CERKL: variants seen among roughly 807,000 people sequenced by gnomAD.
CERKL encodes the protein CERK like autophagy regulator.
A neutral mutation model predicts 63.4 loss-of-function variants in CERKL; 61 were observed. The observed-to-expected ratio is 0.96, with a 90% CI of 0.78 to 1.19. CERKL has a LOEUF of 1.19. CERKL is among the 50% of genes most tolerant of loss of function. The pLI is 0.00. For synonymous variants in CERKL, 250 were observed against 230.5 expected, an observed-to-expected ratio of 1.08 and a Z score of -0.77; for missense variants, 675 against 655.5, an observed-to-expected ratio of 1.03 and a Z score of -0.33.
chr2:181,611,787 C>T (rs1685979146), intron 1 of CERKL, among the ~76,000 whole-genome samples: 1 of 152,130 alleles, frequency 6.6e-6, no homozygotes, highest in Middle Eastern at 3.2e-3. Context: ...ATGTGTAATG[C>T]TTTCATATGC....
At chr2:181,593,911 G>A (rs902960342) in intron 2 of CERKL, among the ~76,000 whole-genome samples, 1 of 151,362 alleles carries the variant, frequency 6.6e-6, no homozygotes, top group Non-Finnish European at 1.5e-5. Flanking sequence ...CAGAAGGCCT[G>A]GATAGGAATC....
intron 1 of CERKL, among the ~76,000 whole-genome samples, chr2:181,639,073 T>G (rs954606616): frequency 6.6e-6 from 1 of 152,224 alleles, no homozygotes; most frequent in Non-Finnish European, 1.5e-5. Context: ...AAGGTTGACA[T>G]ATTTAAAAAA....
intron 2 of CERKL, among the ~76,000 whole-genome samples, chr2:181,591,886 A>C (rs1257565453): frequency 6.6e-6 from 1 of 152,188 alleles, no homozygotes; most frequent in East Asian, 1.9e-4. Context: ...GTTCCCCACC[A>C]AAATAAACAA....
At position 181,549,702 on chromosome 2, in the gene CERKL, G is replaced by T. The variant is rs1286821073; in HGVS notation, c.827C>A (p.Thr276Asn). ...LPLGLIPAGS[T>N]NVLAHSLHGV... ...ATGAAGAGAATGTGCCAATACATTG[G>T]TAGATCCTGCCAAAGCAATTTTAAA... Residue 276 changes from threonine to asparagine, a missense_variant, in exon 6 of 13, where the codon ACC (threonine) becomes AAC (asparagine). Coordinates refer to ENST00000410087, the MANE Select transcript of CERKL (RefSeq NM_201548.5). 6.2e-7 allele frequency: 1 copy of T among 1,610,632 alleles called. No homozygotes were observed. Among genetic ancestry groups the T allele is most frequent in the South Asian group, 1.1e-5 (1 of 91,016 alleles).
intron 2 of CERKL, among the ~76,000 whole-genome samples, chr2:181,582,596 C>T (rs931960178): frequency 1.3e-5 from 2 of 149,492 alleles, no homozygotes; most frequent in African/African-American, 4.9e-5. Flanking sequence ...CAGTGGCTGG[C>T]GGGATCTTGG....
rs182073589 is a variant in CERKL at position 181,629,901 on chromosome 2, A to G, written c.239-25822T>C. 3.7e-3 allele frequency among the ~76,000 whole-genome samples: 561 copies of G among 151,578 alleles called. 2 individuals are homozygous for G. Among genetic ancestry groups the G allele is most frequent in the African/African-American group, 0.013 (524 of 41,382 alleles). ...TTAATATGTTCCTTCTCACTTAACA[A>G]TTCTTTATTTCTTAGTGTTATATAT... is the stretch of plus-strand genomic sequence containing the variant. On this transcript the variant is annotated intron_variant, in intron 1 of 12. Transcript: ENST00000410087.
At chr2:181,622,021 A>AT (rs1339908468) in intron 1 of CERKL, among the ~76,000 whole-genome samples, 3 of 152,214 alleles carry the variant, frequency 2.0e-5, no homozygotes, top group Non-Finnish European at 4.4e-5. Flanking sequence ...GGGTGCCAAC[A>AT]TTATAAAGGA....
chr2:181,643,812 C>A (rs1239268094), intron 1 of CERKL, among the ~76,000 whole-genome samples: 2 of 152,186 alleles, frequency 1.3e-5, no homozygotes, highest in Non-Finnish European at 2.9e-5. Flanking sequence ...TAATCTTACC[C>A]ATTACTTACT....
At chr2:181,632,378 T>C (rs1326139746) in intron 1 of CERKL, among the ~76,000 whole-genome samples, 1 of 152,194 alleles carries the variant, frequency 6.6e-6, no homozygotes, top group Non-Finnish European at 1.5e-5. Context: ...AAACAAAGCC[T>C]TGTCCTTTAA....
intron 2 of CERKL, among the ~76,000 whole-genome samples, chr2:181,580,185 A>C (rs906386095): frequency 1.9e-4 from 29 of 151,916 alleles, no homozygotes; most frequent in Non-Finnish European, 3.1e-4. Flanking sequence ...TTCTGTATAG[A>C]AACATGGTAT....
At chr2:181,560,256 G>A (rs1379421892) in intron 4 of CERKL, among the ~76,000 whole-genome samples, 2 of 152,122 alleles carry the variant, frequency 1.3e-5, no homozygotes, top group African/African-American at 2.4e-5. Flanking sequence ...AAAAGACTAT[G>A]TGGAGTCATA....
intron 4 of CERKL, among the ~76,000 whole-genome samples, chr2:181,559,405 G>T (rs1267861697): frequency 6.6e-6 from 1 of 152,132 alleles, no homozygotes; most frequent in Non-Finnish European, 1.5e-5. Flanking sequence ...ATGTTCAAAA[G>T]AAGCAAAATA....
At chr2:181,629,617 CATT>C (rs1360177121) in intron 1 of CERKL, among the ~76,000 whole-genome samples, 1 of 136,028 alleles carries the variant, frequency 7.4e-6, no homozygotes, top group Non-Finnish European at 1.6e-5. Flanking sequence ...TCTCCTCAAA[CATT>C]AGTAGTCATA....
chr2:181,603,005 T>C, intron 2 of CERKL: 1 of 163,012 alleles, frequency 6.1e-6, no homozygotes, highest in Admixed American at 6.2e-5. Context: ...ATGAATTTTA[T>C]TTAGTATGCA....
At chr2:181,549,334 G>A (rs187716419) in intron 6 of CERKL, among the ~76,000 whole-genome samples, 199 of 152,174 alleles carry the variant, frequency 1.3e-3, no homozygotes, top group African/African-American at 4.5e-3. Context: ...TATACTTAAG[G>A]AGTATTCATT....
chr2:181,565,948 C>A, intron 4 of CERKL, 110 bp downstream of exon 4: 1 of 739,316 alleles, frequency 1.4e-6, no homozygotes, highest in East Asian at 2.7e-5. Context: ...AGCCAAAGTA[C>A]ATACACTACA....
intron 1 of CERKL, among the ~76,000 whole-genome samples, chr2:181,650,781 A>G (rs1475131963): frequency 2.7e-5 from 4 of 148,964 alleles, no homozygotes; most frequent in African/African-American, 5.2e-5. Flanking sequence ...AAGAAAGAAA[A>G]AAAAGAACAG....
At chr2:181,541,516 C>T (rs568822392) in intron 11 of CERKL, among the ~76,000 whole-genome samples, 14 of 152,270 alleles carry the variant, frequency 9.2e-5, no homozygotes, top group African/African-American at 2.2e-4. Flanking sequence ...ACAAAGGCCA[C>T]GTGTTCCAGA....
intron 1 of CERKL, among the ~76,000 whole-genome samples, chr2:181,622,883 CAT>C (rs1297782529): frequency 6.6e-6 from 1 of 152,192 alleles, no homozygotes; most frequent in Non-Finnish European, 1.5e-5. Context: ...TCTGGAAACA[CAT>C]AAAATCTTTC....
Sources: allele counts gnomAD v4.1 joint callset (sites outside exome capture counted in the v4.1 genomes callset), GRCh38; gene constraint gnomAD v4.1.1; transcripts MANE v1.5; gene names NCBI Gene and HGNC (gene_info 2026-07-23, HGNC 2026-07-21).